KHDRBS2: variants seen among roughly 807,000 people sequenced by gnomAD.
The protein encoded by KHDRBS2 is KH RNA binding domain containing, signal transduction associated 2.
KHDRBS2 carries 26 observed loss-of-function variants against 44.3 expected under a neutral mutation model. The ratio of observed to expected loss-of-function variants is 0.59; its 90% confidence interval spans 0.43 to 0.81. The LOEUF (loss-of-function observed/expected upper bound fraction) is 0.81, where lower values mean the gene tolerates loss of function less well. Ranked by LOEUF, KHDRBS2 falls within the 40% of genes least tolerant of loss-of-function variation. The pLI is 0.00. For missense variants in KHDRBS2, 476 were observed against 433.1 expected (o/e 1.10, Z -0.88); for synonymous variants, 194 against 151.1 (o/e 1.28, Z -2.08).
At chr6:61,795,657 A>C (rs1190007568) in intron 6 of KHDRBS2, among the ~76,000 whole-genome samples, 5 of 152,084 alleles carry the variant, frequency 3.3e-5, no homozygotes, top group Non-Finnish European at 5.9e-5. Context: ...CAATTTTCTT[A>C]TGTGAGTATG....
intron 1 of KHDRBS2, among the ~76,000 whole-genome samples, chr6:62,251,174 G>C (rs1179492643): frequency 6.6e-6 from 1 of 151,372 alleles, no homozygotes; most frequent in Admixed American, 6.6e-5. Flanking sequence ...GAATATTCTT[G>C]AATATAACTA....
At chr6:62,275,082 G>T (rs1420828866) in intron 1 of KHDRBS2, among the ~76,000 whole-genome samples, 1 of 150,294 alleles carries the variant, frequency 6.7e-6, no homozygotes, top group African/African-American at 2.5e-5. Context: ...GAAACCATTT[G>T]GTTTACTGAA....
chr6:62,090,627 C>T (rs1799326813), intron 2 of KHDRBS2, among the ~76,000 whole-genome samples: 1 of 151,824 alleles, frequency 6.6e-6, no homozygotes, highest in African/African-American at 2.4e-5. Context: ...ATGCATGATG[C>T]TCTAAAGAGA....
chr6:62,258,569 C>T (rs983723418), intron 1 of KHDRBS2, among the ~76,000 whole-genome samples: 5 of 151,964 alleles, frequency 3.3e-5, no homozygotes, highest in African/African-American at 1.2e-4. Context: ...CCTTTGCTTT[C>T]TGATGTTCAA....
intron 1 of KHDRBS2, 42 bp from the exon 2 acceptor site, chr6:62,177,354 CAAT>C: frequency 6.8e-7 from 1 of 1,472,182 alleles, no homozygotes; most frequent in Non-Finnish European, 9.3e-7. Context: ...AAATGAGGAA[CAAT>C]GTTATCATAA....
At chr6:61,847,936 T>C (rs1794650036) in intron 6 of KHDRBS2, among the ~76,000 whole-genome samples, 1 of 152,074 alleles carries the variant, frequency 6.6e-6, no homozygotes, top group African/African-American at 2.4e-5. Context: ...TATGAGCTAA[T>C]TCTATTGTTA....
At chr6:61,643,732 G>A in the KHDRBS2 span, among the ~76,000 whole-genome samples, 1 of 151,946 alleles carries the variant, frequency 6.6e-6, no homozygotes, top group Non-Finnish European at 1.5e-5. Flanking sequence ...AAAATACCTA[G>A]GAATACAGCC....
chr6:62,096,542 G>A (rs557795365), intron 2 of KHDRBS2, among the ~76,000 whole-genome samples: 1 of 151,692 alleles, frequency 6.6e-6, no homozygotes, highest in African/African-American at 2.4e-5. Flanking sequence ...GTGATTCTTT[G>A]TATTTCTAAG....
At chr6:61,891,742 G>C (rs570192157) in intron 6 of KHDRBS2, among the ~76,000 whole-genome samples, 1 of 152,176 alleles carries the variant, frequency 6.6e-6, no homozygotes, top group East Asian at 1.9e-4. Context: ...GTATTGATGG[G>C]ATATATCTCA....
At chr6:61,825,675 G>A (rs1419785931) in intron 6 of KHDRBS2, among the ~76,000 whole-genome samples, 3 of 152,104 alleles carry the variant, frequency 2.0e-5, no homozygotes, top group Non-Finnish European at 4.4e-5. Context: ...TCCCCCATAA[G>A]GGTGTGGCAC....
chr6:62,271,294 T>A (rs558827426), intron 1 of KHDRBS2, among the ~76,000 whole-genome samples: 2 of 152,268 alleles, frequency 1.3e-5, no homozygotes, highest in East Asian at 1.9e-4. Context: ...GGTTTAGCCA[T>A]CCTAATATCT....
At chr6:61,674,524 G>A in the KHDRBS2 span, among the ~76,000 whole-genome samples, 18 of 151,694 alleles carry the variant, frequency 1.2e-4, no homozygotes, top group African/African-American at 4.4e-4. Flanking sequence ...GATGCTTCAA[G>A]TAAGTTTTTA....
intron 4 of KHDRBS2, among the ~76,000 whole-genome samples, chr6:61,954,577 G>GTATATATACACATACATACTTATGTAT (rs1562510823): frequency 8.6e-5 from 9 of 104,226 alleles, no homozygotes; most frequent in Admixed American, 2.8e-4. Context: ...TACGTATGTA[G>GTATATATACACATACATACTTATGTAT]ACATATTTAT....
intron 2 of KHDRBS2, among the ~76,000 whole-genome samples, chr6:62,094,419 T>C (rs746633955): frequency 5.5e-4 from 83 of 152,088 alleles, no homozygotes; most frequent in Non-Finnish European, 9.4e-4. Flanking sequence ...AAATTCCTTA[T>C]ATATTTTGGA....
chr6:62,002,769 C>A (rs1353922025), intron 3 of KHDRBS2, among the ~76,000 whole-genome samples: 3 of 151,250 alleles, frequency 2.0e-5, no homozygotes, highest in East Asian at 3.9e-4. Context: ...AATGTCATAA[C>A]ACAAAGATAA....
chr6:61,757,320 T>C (rs370494198), intron 6 of KHDRBS2, among the ~76,000 whole-genome samples: 24 of 152,294 alleles, frequency 1.6e-4, no homozygotes, highest in African/African-American at 4.8e-4. Context: ...TTAGTTTTGC[T>C]TAAAGTATTT....
At chr6:61,888,396 C>T (rs549143299) in intron 6 of KHDRBS2, among the ~76,000 whole-genome samples, 3 of 152,214 alleles carry the variant, frequency 2.0e-5, no homozygotes, top group Non-Finnish European at 4.4e-5. Context: ...TAGAGCTGAA[C>T]ATAAAAACAT....
chr6:62,156,732 C>T (rs1487978023), intron 2 of KHDRBS2, among the ~76,000 whole-genome samples: 22 of 151,892 alleles, frequency 1.4e-4, no homozygotes, highest in African/African-American at 5.1e-4. Context: ...AGTGCAGTGG[C>T]GTGATCTCGG....
intron 4 of KHDRBS2, among the ~76,000 whole-genome samples, chr6:61,963,185 G>A (rs1304588163): frequency 1.3e-5 from 2 of 152,026 alleles, no homozygotes; most frequent in Non-Finnish European, 2.9e-5. Context: ...CTGAGGCTAT[G>A]TTCTAAACAT....
Sources: allele counts gnomAD v4.1 joint callset (sites outside exome capture counted in the v4.1 genomes callset), GRCh38; gene constraint gnomAD v4.1.1; transcripts MANE v1.5; gene names NCBI Gene and HGNC (gene_info 2026-07-23, HGNC 2026-07-21).